The following ELAPOR2 variants were observed in gnomAD, a reference collection of about 807,000 sequenced individuals.
ELAPOR2 encodes endosome-lysosome associated apoptosis and autophagy regulator family member 2.
Under a neutral mutation model 120.7 loss-of-function variants are expected in ELAPOR2, and 89 were observed. The observed-to-expected ratio is 0.74, with a 90% CI of 0.62 to 0.88. ELAPOR2 has a LOEUF of 0.88. Ranked by LOEUF, ELAPOR2 falls within the 40% of genes least tolerant of loss-of-function variation. The pLI is 0.00. For synonymous variants in ELAPOR2, 444 were observed against 444.9 expected (o/e 1.00, Z 0.03); for missense variants, 1,134 against 1,251.6 (o/e 0.91, Z 1.42).
intron 1 of ELAPOR2, among the ~76,000 whole-genome samples, chr7:86,999,042 T>A (rs1017444762): frequency 6.6e-6 from 1 of 152,062 alleles, no homozygotes; most frequent in African/African-American, 2.4e-5. Flanking sequence ...ATCAAACTGG[T>A]TTCTTCTCCA....
Position 86,909,984 on chromosome 7 carries a change from G to C in ELAPOR2, c.2187C>G (p.Leu729=). The stretch of plus-strand genomic sequence containing the variant: ...TAAAGTCTGTTATATTGTTGGTACA[G>C]AGAGCCATCTTCTTCCCCTAGGAAA... The part of the protein sequence containing the change: ...LCGHEGKKMA[L]CTNNITDFTV... Residue 729 remains leucine (L), a synonymous_variant, in exon 16 of 22, where the codon CTC becomes CTG. Coordinates refer to ENST00000450689, the MANE Select transcript of ELAPOR2 (RefSeq NM_001142749.3). 1 of 1,608,370 alleles carries C rather than the reference G, an allele frequency of 6.2e-7. No homozygotes were observed. The highest frequency in any genetic ancestry group is 8.5e-7 in the Non-Finnish European group (1 of 1,177,868).
At position 86,919,299 on chromosome 7, in the gene ELAPOR2, C is replaced by G. The variant is rs778899533; in HGVS notation, c.1411G>C (p.Ala471Pro). The G allele has an allele frequency of 6.2e-7, 1 of 1,605,286 alleles. No homozygotes were observed. Among genetic ancestry groups the G allele is most frequent in the Non-Finnish European group, 8.5e-7 (1 of 1,174,618 alleles). The change falls in exon 11 of 22, where the codon GCT becomes CCT. Residue 471 changes from alanine to proline, a missense_variant. By Grantham distance (27) the Ala-to-Pro change is conservative. Around this residue, in one of 3 missense-constraint regions of ELAPOR2, gnomAD observed 831 missense variants for 867.6 expected, o/e 0.96. Coordinates refer to ENST00000450689, the MANE Select transcript of ELAPOR2 (RefSeq NM_001142749.3). ...GCCCCACTCTGGATATGATCTCCAG[C>G]CACCTCCCAACCTAGAAGTAATAAA... Reference protein sequence around the residue: ...KCDGMNGWEVAGDHIQSGAGG... With the variant: ...KCDGMNGWEVPGDHIQSGAGG...
chr7:87,033,138 G>A (rs1794473422), intron 1 of ELAPOR2, among the ~76,000 whole-genome samples: 1 of 152,148 alleles, frequency 6.6e-6, no homozygotes, highest in African/African-American at 2.4e-5. Flanking sequence ...GGAGGTAGTG[G>A]AGTTCAGTGG....
At chr7:87,036,924 T>A (rs1794607383) in intron 1 of ELAPOR2, among the ~76,000 whole-genome samples, 1 of 152,128 alleles carries the variant, frequency 6.6e-6, no homozygotes, top group Non-Finnish European at 1.5e-5. Flanking sequence ...TACCCCAATC[T>A]AAAAGTTGAA....
intron 1 of ELAPOR2, among the ~76,000 whole-genome samples, chr7:87,023,607 G>C (rs149598263): frequency 0.9 from 137,476 of 152,230 alleles, 62,314 homozygotes; most frequent in East Asian, 1. Context: ...TGAAGAAAGT[G>C]ATTGGTAGCT....
chr7:86,900,792 C>A (rs10236910), intron 18 of ELAPOR2, among the ~76,000 whole-genome samples: 33,643 of 151,828 alleles, frequency 0.22, 6,177 homozygotes, highest in African/African-American at 0.51. Context: ...GATGTATGAA[C>A]CAATAATAAT....
At position 86,880,378 on chromosome 7, in the gene ELAPOR2, G is replaced by A. The variant is rs1584294726; in HGVS notation, c.*93C>T. 1.1e-6 allele frequency: 1 copy of A among 890,756 alleles called. No homozygotes were observed. The highest frequency in any genetic ancestry group is 1.7e-5 in the African/African-American group (1 of 59,522). 55.2% of individuals were successfully genotyped at this position (890,756 alleles called of 1,614,324 possible). On this transcript the variant is annotated 3_prime_UTR_variant, in exon 22 of 22. Transcript: ENST00000450689. The stretch of plus-strand genomic sequence containing the variant: ...GGCCCTCCTCTGTGAGATCACCAAT[G>A]TGACAGGTATGAGGACAGACCCTAA...
chr7:87,001,046 A>C (rs1793300060), intron 1 of ELAPOR2, among the ~76,000 whole-genome samples: 1 of 152,162 alleles, frequency 6.6e-6, no homozygotes, highest in South Asian at 2.1e-4. Context: ...GTGTATTCTT[A>C]TCCTCCAAAA....
chr7:86,918,582 T>G (rs773153521), intron 11 of ELAPOR2, 38 bp from the exon 12 acceptor site: 1 of 1,198,830 alleles, frequency 8.3e-7, no homozygotes, highest in Admixed American at 1.8e-5. Flanking sequence ...TTATACTATG[T>G]TCTAAATACA....
chr7:86,982,599 T>G (rs1414919980), intron 1 of ELAPOR2, among the ~76,000 whole-genome samples: 1 of 152,248 alleles, frequency 6.6e-6, no homozygotes, highest in Admixed American at 6.5e-5. Context: ...GGGACCTGAC[T>G]GTTAGAAGGA....
In ELAPOR2 at chr7:86,880,486, TC is replaced by T; in HGVS notation, c.3074del (p.Arg1025AsnfsTer11). On this transcript the variant is annotated frameshift_variant, in exon 22 of 22. Transcript: ENST00000450689. LOFTEE classifies it high-confidence loss of function. Reference protein sequence around the residue: ...HFESVQLKTSRSPNI With the variant: ...HFESVQLKTSXSPNI ...CACTGTCTCTTCATATATTTGGGGATCTTGAGGTTTTCAGTTGAACAGATTC... is the reference window on the plus strand; with the variant it reads ...CACTGTCTCTTCATATATTTGGGGATTTGAGGTTTTCAGTTGAACAGATTC... 6.2e-7 allele frequency: 1 copy of T among 1,610,258 alleles called. No individual in the cohort carries two copies. The highest frequency in any genetic ancestry group is 8.5e-7 in the Non-Finnish European group (1 of 1,176,740).
chr7:87,014,900 G>T (rs895424752), intron 1 of ELAPOR2, among the ~76,000 whole-genome samples: 1 of 151,926 alleles, frequency 6.6e-6, no homozygotes, highest in Non-Finnish European at 1.5e-5. Flanking sequence ...TGGTTTCACA[G>T]GTGTATGCAT....
chr7:87,035,742 G>A (rs914786915), intron 1 of ELAPOR2, among the ~76,000 whole-genome samples: 1 of 152,188 alleles, frequency 6.6e-6, no homozygotes, highest in African/African-American at 2.4e-5. Context: ...CCATATGACA[G>A]CTATGGCTTC....
chr7:87,007,251 A>C (rs1277998603), intron 1 of ELAPOR2, among the ~76,000 whole-genome samples: 1 of 152,164 alleles, frequency 6.6e-6, no homozygotes, highest in Non-Finnish European at 1.5e-5. Flanking sequence ...TGCTTTCTGC[A>C]GTGGTATGGG....
intron 15 of ELAPOR2, 190 bp downstream of exon 15, chr7:86,911,882 A>G: frequency 1.6e-6 from 1 of 615,058 alleles, no homozygotes; most frequent in South Asian, 2.0e-5. Flanking sequence ...ACTGAGAACC[A>G]GACAAGGTTG....
chr7:87,049,220 A>G (rs4728667), intron 1 of ELAPOR2, among the ~76,000 whole-genome samples: 85,410 of 151,976 alleles, frequency 0.56, 24,761 homozygotes, highest in East Asian at 0.76. Context: ...TGCTAAAAGG[A>G]CTATAGAGAA....
At chr7:86,967,354 C>T (rs888271089) in intron 1 of ELAPOR2, among the ~76,000 whole-genome samples, 1 of 152,026 alleles carries the variant, frequency 6.6e-6, no homozygotes, top group African/African-American at 2.4e-5. Flanking sequence ...ACTTGTGAGG[C>T]TGGGGCATGA....
chr7:86,998,435 TGGTTATA>T (rs1341906257), intron 1 of ELAPOR2, among the ~76,000 whole-genome samples: 14 of 152,206 alleles, frequency 9.2e-5, no homozygotes, highest in African/African-American at 3.4e-4. Flanking sequence ...AGCTTAATGA[TGGTTATA>T]GAGTAGTGGA....
intron 1 of ELAPOR2, among the ~76,000 whole-genome samples, chr7:86,994,825 G>C (rs927239179): frequency 3.3e-5 from 5 of 152,038 alleles, no homozygotes; most frequent in African/African-American, 1.2e-4. Flanking sequence ...AAGTAGAAGA[G>C]ACAGGGCTAC....
Sources: allele counts gnomAD v4.1 joint callset (sites outside exome capture counted in the v4.1 genomes callset), GRCh38; gene constraint gnomAD v4.1.1; regional missense constraint gnomAD v4.1.1; transcripts MANE v1.5; gene names NCBI Gene and HGNC (gene_info 2026-07-23, HGNC 2026-07-21).